Variants in FAM83A observed in about 807,000 individuals in gnomAD.
The protein encoded by FAM83A is scaffolding CK1 anchoring protein A.
In FAM83A, 21 loss-of-function variants were observed where a neutral mutation model predicts 24.4. The ratio of observed to expected loss-of-function variants is 0.86; its 90% CI spans 0.61 to 1.24. The LOEUF (loss-of-function observed/expected upper bound fraction) is 1.24, where lower values mean the gene tolerates loss of function less well. FAM83A is among the 50% of genes most tolerant of loss of function. The pLI, the probability that FAM83A is intolerant of heterozygous loss-of-function variation, is 0.00. For missense variants in FAM83A, 617 were observed against 579.8 expected, an observed-to-expected ratio of 1.06 and a Z score of -0.66; for synonymous variants, 270 against 252.4, an observed-to-expected ratio of 1.07 and a Z score of -0.66.
intron 3 of FAM83A, among the ~76,000 whole-genome samples, chr8:123,195,636 C>T (rs1158038226): frequency 6.6e-6 from 1 of 152,164 alleles, no homozygotes; most frequent in Non-Finnish European, 1.5e-5. Context: ...GCTGGGAAGT[C>T]CTAGGTCAAG....
In FAM83A at chr8:123,209,144, C is replaced by T; in HGVS notation, c.*1456C>T. 9.3e-7 allele frequency: 1 copy of T among 1,073,564 alleles called. No individual in the cohort carries two copies. The highest frequency in any genetic ancestry group is 1.1e-6 in the Non-Finnish European group (1 of 888,760). The allele number at this position is 1,073,564 out of a possible 1,614,324, so 66.5% of individuals were successfully genotyped here. ...CAGAGGGGAGCAGGTGCCAACTCCA[C>T]ATCCTTCTCCTGTTTCTAGGCCCTC... On this transcript the variant is annotated 3_prime_UTR_variant, in exon 4 of 4. Transcript: ENST00000690554. This position sits in a 1 kb window ranked among gnomAD's most constrained non-coding sequence, Gnocchi z 4.7.
chr8:123,181,093 C>T (rs1173551331), upstream of FAM83A, among the ~76,000 whole-genome samples: 3 of 152,118 alleles, frequency 2.0e-5, no homozygotes, highest in Non-Finnish European at 4.4e-5. Context: ...ACTACAGGCG[C>T]ATACCACCAG....
exon 4 of FAM83A, chr8:123,208,802 C>A: frequency 2.1e-6 from 2 of 956,732 alleles, no homozygotes; most frequent in Non-Finnish European, 2.5e-6. Context: ...ATTACCTGGT[C>A]TCGAGACCAG....
At chr8:123,207,980 C>T (rs1824622228) in exon 4 of FAM83A, 3 of 1,199,942 alleles carry the variant, frequency 2.5e-6, no homozygotes, top group Non-Finnish European at 2.1e-6. Context: ...TTCCAGAGAT[C>T]ATCCGGGGCT....
upstream of FAM83A, chr8:123,181,921 C>T: frequency 2.4e-6 from 1 of 417,286 alleles, no homozygotes; most frequent in Non-Finnish European, 5.0e-6. Flanking sequence ...GGGTTCTAGG[C>T]AGTCCATCCC....
chr8:123,186,603 GTGGAT>G (rs1444565652), intron 1 of FAM83A, among the ~76,000 whole-genome samples: 1 of 152,124 alleles, frequency 6.6e-6, no homozygotes, highest in Non-Finnish European at 1.5e-5. Flanking sequence ...GCTGAGGCAG[GTGGAT>G]CTCCTGAGGT....
At chr8:123,183,137 G>A (rs1563778304) in exon 1 of FAM83A, 2 of 1,613,878 alleles carry the variant, frequency 1.2e-6, no homozygotes, top group Non-Finnish European at 1.7e-6. Context: ...GGCCCTAAGG[G>A]ACTGGACTCC....
intron 3 of FAM83A, among the ~76,000 whole-genome samples, chr8:123,197,578 A>G (rs1824200283): frequency 6.6e-6 from 1 of 152,176 alleles, no homozygotes; most frequent in South Asian, 2.1e-4. Context: ...ATCAATAGAC[A>G]TTGGGTTGTT....
chr8:123,181,326 A>G (rs1218588085), upstream of FAM83A, among the ~76,000 whole-genome samples: 2 of 152,182 alleles, frequency 1.3e-5, no homozygotes, highest in Non-Finnish European at 2.9e-5. Context: ...ACAGGTGTTC[A>G]TAGCTGTTTT....
intron 3 of FAM83A, among the ~76,000 whole-genome samples, chr8:123,195,293 A>G (rs1484697221): frequency 7.2e-5 from 11 of 152,092 alleles, no homozygotes; most frequent in Admixed American, 7.2e-4. Context: ...GGTGTTAAGG[A>G]TGCAGTCTTT....
In FAM83A at chr8:123,183,267, G is replaced by T. The variant is rs561937640; in HGVS notation, c.411G>T (p.Val137=). Residue 137 remains valine, a synonymous_variant, in exon 1 of 4, where the codon GTG becomes GTT. Coordinates refer to ENST00000690554, the Ensembl canonical transcript of FAM83A. ...TGAAGGAAAAATCCAGCGCCACTGTGTACTTCCAGACCGTCAAGCACAACA... is the reference window on the plus strand; with the variant it reads ...TGAAGGAAAAATCCAGCGCCACTGTTTACTTCCAGACCGTCAAGCACAACA... 42 of 1,613,184 alleles carry T rather than the reference G, an allele frequency of 2.6e-5. No homozygotes were observed. In the South Asian group the frequency reaches 4.3e-4, roughly 16 times the overall value.
chr8:123,186,230 AACAC>A (rs369555649), intron 1 of FAM83A, among the ~76,000 whole-genome samples: 2 of 152,114 alleles, frequency 1.3e-5, no homozygotes, highest in African/African-American at 2.4e-5. Context: ...TGCACACACA[AACAC>A]ACACACGAAT....
rs373188549 is a variant in FAM83A at position 123,207,173 on chromosome 8, G to A, written c.790G>A (p.Gly264Arg). The stretch of plus-strand genomic sequence containing the variant: ...CCCCTCCAGCTTCACCTGGCTCTGC[G>A]GACACGTGCACCGGAACATCCTCTC... Residue 264 changes from glycine (G) to arginine (R), a missense_variant, in exon 4 of 4, where the codon GGA becomes AGA. Gly to Arg is a moderately radical substitution (Grantham distance 125). Transcript: ENST00000690554. 3.8e-6 allele frequency: 6 copies of A among 1,564,992 alleles called. No individual in the cohort carries two copies. In the African/African-American group the frequency reaches 8.4e-5, roughly 22 times the overall value.
At chr8:123,195,382 A>G (rs1296409982) in intron 3 of FAM83A, among the ~76,000 whole-genome samples, 2 of 152,214 alleles carry the variant, frequency 1.3e-5, no homozygotes, top group Non-Finnish European at 2.9e-5. Context: ...GAGACAAATG[A>G]GCATAAAGGG....
chr8:123,194,841 C>A (rs1824095174), intron 3 of FAM83A, among the ~76,000 whole-genome samples: 1 of 152,158 alleles, frequency 6.6e-6, no homozygotes, highest in Non-Finnish European at 1.5e-5. Context: ...CTCAGCCTCC[C>A]AAAGTGTTGG....
chr8:123,194,238 A>T (rs1586781683), intron 3 of FAM83A, 90 bp downstream of exon 3: 5 of 1,543,506 alleles, frequency 3.2e-6, no homozygotes, highest in Non-Finnish European at 4.4e-6. Flanking sequence ...AGACACAAAC[A>T]CCCCCAGCAG....
chr8:123,208,765 G>T, exon 4 of FAM83A: 1 of 983,154 alleles, frequency 1.0e-6, no homozygotes, highest in Non-Finnish European at 1.2e-6. Flanking sequence ...GGATGCCAAG[G>T]TGGTTGGATT....
Position 123,194,103 on chromosome 8 carries a change from A to G in FAM83A, c.728A>G (p.Lys243Arg), listed in dbSNP as rs772410740. Residue 243 changes from lysine (K) to arginine (R), a missense_variant, in exon 3 of 4, where the codon AAG becomes AGG. Lys to Arg is a conservative substitution (Grantham distance 26). Transcript: ENST00000690554. ...AAATTCGCTGGCCAAATCCGGGAGAAGTTCATCATCTCGGACTGGAGATTT... is the reference window on the plus strand; with the variant it reads ...AAATTCGCTGGCCAAATCCGGGAGAGGTTCATCATCTCGGACTGGAGATTT... 1.7e-5 allele frequency: 27 copies of G among 1,614,068 alleles called. 1 individual carries two copies. Among genetic ancestry groups the G allele is most frequent in the South Asian group, 7.7e-5 (7 of 91,088 alleles).
At chr8:123,207,694 C>A in exon 4 of FAM83A, 2 of 1,473,892 alleles carry the variant, frequency 1.4e-6, no homozygotes, top group South Asian at 1.4e-5. Flanking sequence ...TCTGAAGGTC[C>A]CATCCCCTGC....
Sources: gnomAD v4.1 joint callset for allele counts (sites outside exome capture counted in the v4.1 genomes callset) on GRCh38, gnomAD v4.1.1 for gene constraint, Gnocchi (gnomAD v3.1) non-coding constraint, MANE v1.5 for transcripts, NCBI Gene and HGNC (gene_info 2026-07-23, HGNC 2026-07-21) for gene names.